The following SH3TC1 variants were observed in gnomAD, a reference collection of about 807,000 sequenced individuals.
The protein encoded by SH3TC1 is SH3 domain and tetratricopeptide repeats 1.
SH3TC1 carries 135 observed loss-of-function variants against 117.3 expected under a neutral mutation model. The ratio of observed to expected loss-of-function variants is 1.15; its 90% confidence interval spans 1.00 to 1.33. The LOEUF (loss-of-function observed/expected upper bound fraction) is 1.33. Among genes scored for constraint, SH3TC1 ranks in the 40% most tolerant of loss-of-function variants. The pLI, the probability that SH3TC1 is intolerant of heterozygous loss-of-function variation, is 0.00. For synonymous variants in SH3TC1, 898 were observed against 816.9 expected, an observed-to-expected ratio of 1.10 and a Z score of -1.69; for missense variants, 2,092 against 1,794.3, an observed-to-expected ratio of 1.17 and a Z score of -3.00.
At position 8,227,104 on chromosome 4, in the gene SH3TC1, G is replaced by A. The variant is rs368345701; in HGVS notation, c.1410G>A (p.Ala470=). The A allele has an allele frequency of 2.3e-5, 37 of 1,612,560 alleles. No individual in the cohort carries two copies. Among genetic ancestry groups the A allele is most frequent in the African/African-American group, 1.6e-4 (12 of 74,888 alleles). ...AGCCAGCGTCCTGGGGTCTCTGTGC[G>A]GCATCCAGCGACGTGAGCTTGCAGG... The part of the protein sequence containing the change: ...PQEPASWGLC[A]ASSDVSLQDP... Residue 470 remains alanine, a synonymous_variant, in exon 12 of 18, where the codon GCG becomes GCA. Coordinates refer to ENST00000245105, the MANE Select transcript of SH3TC1 (RefSeq NM_018986.5).
At chr4:8,234,660 A>T (rs995898658) in intron 14 of SH3TC1, among the ~76,000 whole-genome samples, 1 of 152,158 alleles carries the variant, frequency 6.6e-6, no homozygotes, top group African/African-American at 2.4e-5. Context: ...TTCCTAAGCC[A>T]CTGCTGAGCA....
Position 8,241,079 on chromosome 4 carries a change from G to A in SH3TC1, c.*124G>A, listed in dbSNP as rs543939480. ...ACGCAGGGGCCAAATAGCAATAAAT[G>A]GGTTTTGTTTTTTTTTTGCAATAAC... On this transcript the variant is annotated 3_prime_UTR_variant, in exon 18 of 18. Transcript: ENST00000245105. 25 of 1,372,048 alleles carry A rather than the reference G, an allele frequency of 1.8e-5. No homozygotes were observed. The African/African-American group carries it at 2.9e-4, about 16-fold the overall frequency. 85.0% of individuals were successfully genotyped at this position (1,372,048 alleles called of 1,614,324 possible).
At chr4:8,191,249 G>A (rs1026258077) in intron 1 of SH3TC1, among the ~76,000 whole-genome samples, 2 of 152,234 alleles carry the variant, frequency 1.3e-5, no homozygotes, top group Admixed American at 6.5e-5. Context: ...CAGAGTCAGC[G>A]ATTCCCTGGG....
upstream of SH3TC1, among the ~76,000 whole-genome samples, chr4:8,194,784 G>A (rs1717509658): frequency 1.3e-5 from 2 of 152,186 alleles, no homozygotes; most frequent in South Asian, 4.1e-4. Flanking sequence ...TCTGGAGCTT[G>A]GTGCTCGAAG....
rs146031337 is a variant in SH3TC1, at chr4:8,184,219, A to G, written c.-57+2009A>G. Among the ~76,000 whole-genome samples the G allele has an allele frequency of 9.1e-3, 1,388 of 152,358 alleles. 22 individuals carry two copies. The highest frequency in any genetic ancestry group is 0.032 in the African/African-American group (1,314 of 41,578). On this transcript the variant is annotated intron_variant, in intron 1 of 16. Coordinates refer to the SH3TC1 transcript ENST00000508641. ...TCTCCAACTCAAATCCATTATTACT[A>G]AGTGGATTCCAGCTCTGCCCCACCA... is the stretch of plus-strand genomic sequence containing the variant.
chr4:8,213,961 GAC>G (rs1561689055), intron 4 of SH3TC1, among the ~76,000 whole-genome samples: 1 of 151,810 alleles, frequency 6.6e-6, no homozygotes, highest in Non-Finnish European at 1.5e-5. Flanking sequence ...AGTACCCCCC[GAC>G]ACACACTTCC....
Position 8,225,332 on chromosome 4 carries a change from G to A in SH3TC1, c.1285+116G>A. On this transcript the variant is annotated intron_variant, in intron 11 of 17. Transcript: ENST00000245105. This position sits in a 1 kb window ranked among gnomAD's most constrained non-coding sequence, Gnocchi z 5.5. ...CATTGGGTGCGGCTGTCACCCCTCTGTGGTGTGGGCTGGGGGCTTGGGGGA... is the reference window on the plus strand; with the variant it reads ...CATTGGGTGCGGCTGTCACCCCTCTATGGTGTGGGCTGGGGGCTTGGGGGA... The A allele has an allele frequency of 9.2e-6, 11 of 1,196,068 alleles. No homozygotes were observed. The South Asian group carries it at 1.5e-4, about 16-fold the overall frequency. The allele number at this position is 1,196,068 out of a possible 1,614,324, so 74.1% of individuals were successfully genotyped here. A position where few individuals can be genotyped will look rare whatever the true frequency, so the allele number is the denominator to read the frequency against.
rs11603 is a variant in SH3TC1, at chr4:8,236,424, C to T, written c.3552C>T (p.Thr1184=). The change falls in exon 16 of 18, where the codon ACC becomes ACT. Residue 1184 remains threonine, a synonymous_variant. Transcript: ENST00000245105. ...FAHMALALSI[T]LGDRLNERVA... ...ACATGGCCCTAGCACTCAGCATCAC[C>T]CTGGGTAAGCCCCCTGAGCCCCTGC... 0.39 allele frequency: 568,487 copies of T among 1,470,476 alleles called. 111,912 individuals are homozygous for T. Among genetic ancestry groups the T allele is most frequent in the Non-Finnish European group, 0.41 (450,370 of 1,102,984 alleles). The allele number at this position is 1,470,476 out of a possible 1,614,324, so 91.1% of individuals were successfully genotyped here. A position where few individuals can be genotyped will look rare whatever the true frequency, so the allele number is the denominator to read the frequency against.
chr4:8,212,795 G>C lies in SH3TC1; in HGVS notation c.342G>C (p.Glu114Asp). 1.2e-6 allele frequency: 2 copies of C among 1,605,552 alleles called. No homozygotes were observed. Among genetic ancestry groups the C allele is most frequent in the East Asian group, 2.2e-5 (1 of 44,636 alleles). ...QTLRGQLRLL[E>D]NDSREMARVL... ...TCCGGGGCCAGCTCCGCCTGCTGGA[G>C]AATGATAGCCGGGAGATGGCCCGCG... The change falls in exon 4 of 18, where the codon GAG becomes GAC. Residue 114 changes from glutamate (E) to aspartate (D), a missense_variant. By Grantham distance (45) the Glu-to-Asp change is conservative. Transcript: ENST00000245105.
chr4:8,221,423 A>G (rs887360293), intron 9 of SH3TC1, among the ~76,000 whole-genome samples: 1 of 151,790 alleles, frequency 6.6e-6, no homozygotes, highest in Non-Finnish European at 1.5e-5. Context: ...TCTTTTATTT[A>G]GTGAACAACC....
In SH3TC1 at chr4:8,228,284, G is replaced by A. The variant is rs368042560; in HGVS notation, c.2590G>A (p.Val864Met). 2.6e-5 allele frequency: 42 copies of A among 1,612,196 alleles called. No individual in the cohort carries two copies. Among genetic ancestry groups the A allele is most frequent in the African/African-American group, 6.7e-5 (5 of 74,954 alleles). ...GGTGGCCAGCGAGGACCAGGAGGGC[G>A]TGATTGCCAACATGGTGGCCGTGGC... ...AVVASEDQEG[V>M]IANMVAVALK... Residue 864 changes from valine to methionine, a missense_variant, in exon 12 of 18, where the codon GTG (valine) becomes ATG (methionine). Val to Met is a conservative substitution (Grantham distance 21). Transcript: ENST00000245105.
chr4:8,203,584 G>A (rs1381153081), intron 1 of SH3TC1, among the ~76,000 whole-genome samples: 1 of 152,070 alleles, frequency 6.6e-6, no homozygotes, highest in Non-Finnish European at 1.5e-5. Flanking sequence ...GTCTAACGCA[G>A]GCCCAGCTTG....
intron 2 of SH3TC1, among the ~76,000 whole-genome samples, chr4:8,208,954 T>C (rs1049253163): frequency 3.3e-5 from 5 of 152,222 alleles, no homozygotes; most frequent in African/African-American, 1.2e-4. Context: ...CCCTGGATCC[T>C]GAGGCCTGGA....
At chr4:8,236,223 G>A (rs1266932975) in intron 15 of SH3TC1, 55 bp from the exon 16 acceptor site, 1 of 1,496,492 alleles carries the variant, frequency 6.7e-7, no homozygotes, top group South Asian at 1.3e-5. Flanking sequence ...TCTGAGGAGG[G>A]CGCTGGGCAA....
At chr4:8,185,921 C>T (rs1322171277) in intron 1 of SH3TC1, among the ~76,000 whole-genome samples, 1 of 152,228 alleles carries the variant, frequency 6.6e-6, no homozygotes, top group Admixed American at 6.5e-5. Flanking sequence ...CTCTCTGCAG[C>T]CTGCCCAGGG....
At position 8,216,221 on chromosome 4, in the gene SH3TC1, T is replaced by C. The variant is rs1561692205; in HGVS notation, c.592T>C (p.Leu198=). 6.2e-7 allele frequency: 1 copy of C among 1,613,820 alleles called. No individual in the cohort carries two copies. The highest frequency in any genetic ancestry group is 2.2e-5 in the East Asian group (1 of 44,880). The change falls in exon 6 of 18, where the codon TTA becomes CTA. Residue 198 remains leucine (L), a synonymous_variant. Coordinates refer to ENST00000245105, the MANE Select transcript of SH3TC1 (RefSeq NM_018986.5). ...CCAAGTCCATGTGGATGAGAACGCCTTAAGGCTGACCCACGAGAGCCTCCT... is the reference window on the plus strand; with the variant it reads ...CCAAGTCCATGTGGATGAGAACGCCCTAAGGCTGACCCACGAGAGCCTCCT... ...AIQVHVDENA[L]RLTHESLLIQ...
At position 8,236,443 on chromosome 4, in the gene SH3TC1, C is replaced by A. The variant is rs1721826067; in HGVS notation, c.3556+15C>A. 2.8e-6 allele frequency: 4 copies of A among 1,430,164 alleles called. No homozygotes were observed. The highest frequency in any genetic ancestry group is 3.7e-6 in the Non-Finnish European group (4 of 1,083,648). 88.6% of individuals were successfully genotyped at this position (1,430,164 alleles called of 1,614,324 possible). Reference sequence around the variant, plus strand: ...CATCACCCTGGGTAAGCCCCCTGAGCCCCTGCCCTGCCAGGACCCACACTT... The same window carrying A: ...CATCACCCTGGGTAAGCCCCCTGAGACCCTGCCCTGCCAGGACCCACACTT... On this transcript the variant is annotated intron_variant, in intron 16 of 17. Coordinates refer to ENST00000245105, the MANE Select transcript of SH3TC1 (RefSeq NM_018986.5).
chr4:8,228,122 A>G lies in SH3TC1; in HGVS notation c.2428A>G (p.Thr810Ala). 6.2e-7 allele frequency: 1 copy of G among 1,612,086 alleles called. No homozygotes were observed. The highest frequency in any genetic ancestry group is 8.5e-7 in the Non-Finnish European group (1 of 1,179,414). Reference protein sequence around the residue: ...GCHGPAITFMTQAVEASAIAG... With the variant: ...GCHGPAITFMAQAVEASAIAG... Reference sequence around the variant, plus strand: ...CCACGGCCCGGCCATCACCTTCATGACGCAGGCAGTGGAAGCCAGTGCTAT... The same window carrying G: ...CCACGGCCCGGCCATCACCTTCATGGCGCAGGCAGTGGAAGCCAGTGCTAT... The change falls in exon 12 of 18, where the codon ACG becomes GCG. Residue 810 changes from threonine to alanine, a missense_variant. By Grantham distance (58) the Thr-to-Ala change is moderately conservative. Transcript: ENST00000245105.
chr4:8,188,443 C>G (rs1272990277), intron 1 of SH3TC1, among the ~76,000 whole-genome samples: 1 of 152,254 alleles, frequency 6.6e-6, no homozygotes, highest in Non-Finnish European at 1.5e-5. Flanking sequence ...CCCTCCCCTA[C>G]GCTGGCAGGT....
Sources: gnomAD v4.1 joint callset for allele counts (sites outside exome capture counted in the v4.1 genomes callset) on GRCh38, gnomAD v4.1.1 for gene constraint, Gnocchi (gnomAD v3.1) non-coding constraint, MANE v1.5 for transcripts, NCBI Gene and HGNC (gene_info 2026-07-23, HGNC 2026-07-21) for gene names.